ADAM12: variants seen among roughly 807,000 people sequenced by gnomAD.
ADAM12 encodes disintegrin and metalloproteinase domain-containing protein 12.
In ADAM12, 70 loss-of-function variants were observed where a neutral mutation model predicts 106.4. The observed-to-expected ratio is 0.66, with a 90% confidence interval of 0.54 to 0.80. ADAM12 has a LOEUF of 0.80. Among genes scored for constraint, ADAM12 ranks in the 30% least tolerant of loss-of-function variants. The pLI, the probability that ADAM12 is intolerant of heterozygous loss-of-function variation, is 0.00. For synonymous variants in ADAM12, 420 were observed against 433.5 expected (o/e 0.97, Z 0.39); for missense variants, 1,010 against 1,171.9 (o/e 0.86, Z 2.02).
chr10:126,097,295 C>T (rs1012212992), intron 10 of ADAM12, among the ~76,000 whole-genome samples: 1 of 152,142 alleles, frequency 6.6e-6, no homozygotes, highest in Admixed American at 6.5e-5. Context: ...GTGGAGATCA[C>T]ATGCAGGGCC....
intron 8 of ADAM12, among the ~76,000 whole-genome samples, chr10:126,105,587 G>A (rs1197604011): frequency 6.6e-6 from 1 of 152,226 alleles, no homozygotes; most frequent in Non-Finnish European, 1.5e-5. Context: ...CTGTGCCTAG[G>A]CCCTGTGCCA....
At chr10:126,155,193 T>A (rs1350580810) in intron 4 of ADAM12, 34 bp downstream of exon 4, 2 of 1,605,594 alleles carry the variant, frequency 1.2e-6, no homozygotes. Context: ...TCCAGTGGTG[T>A]AAGATTATGG....
intron 5 of ADAM12, among the ~76,000 whole-genome samples, chr10:126,129,153 A>G (rs1485778587): frequency 6.6e-6 from 1 of 152,202 alleles, no homozygotes; most frequent in Non-Finnish European, 1.5e-5. Flanking sequence ...CTTCAGTCGA[A>G]CCTCTGTGCC....
intron 3 of ADAM12, among the ~76,000 whole-genome samples, chr10:126,265,114 C>A (rs978885222): frequency 2.6e-5 from 4 of 152,344 alleles, no homozygotes; most frequent in Admixed American, 2.6e-4. Context: ...GTTATCCCCA[C>A]AGAACCTTTT....
chr10:126,193,899 AAAATG>A (rs1223296545), intron 3 of ADAM12, among the ~76,000 whole-genome samples: 2 of 130,232 alleles, frequency 1.5e-5, no homozygotes, highest in African/African-American at 6.4e-5. Context: ...CTCATGAAAT[AAAATG>A]AAATAAAATA....
In ADAM12 at chr10:126,014,991, T is replaced by G. The variant is rs192825542; in HGVS notation, c.*2288A>C. On this transcript the variant is annotated 3_prime_UTR_variant, in exon 23 of 23. Coordinates refer to ENST00000448723, the MANE Select transcript of ADAM12 (RefSeq NM_001288973.2). Reference sequence around the variant, plus strand: ...AATGGAATTTGCTGCTAAATATGCTTCACTTGATAAATACTGCATCTTGGA... The same window carrying G: ...AATGGAATTTGCTGCTAAATATGCTGCACTTGATAAATACTGCATCTTGGA... 6.6e-6 allele frequency: 1 copy of G among 152,328 alleles called. No homozygotes were observed. 9.4% of individuals were successfully genotyped at this position (152,328 alleles called of 1,614,324 possible).
At chr10:126,345,025 T>C (rs1022194847) in intron 1 of ADAM12, among the ~76,000 whole-genome samples, 15 of 152,350 alleles carry the variant, frequency 9.8e-5, no homozygotes, top group Non-Finnish European at 1.9e-4. Context: ...TTCTTTCTCC[T>C]GCCTGATTGC....
At chr10:126,248,615 C>T (rs1402205722) in intron 3 of ADAM12, among the ~76,000 whole-genome samples, 1 of 152,104 alleles carries the variant, frequency 6.6e-6, no homozygotes, top group Non-Finnish European at 1.5e-5. Flanking sequence ...CGAATGCATA[C>T]CATGAGCTAG....
chr10:126,370,658 T>C (rs901641769), intron 1 of ADAM12, among the ~76,000 whole-genome samples: 1 of 152,154 alleles, frequency 6.6e-6, no homozygotes, highest in African/African-American at 2.4e-5. Flanking sequence ...TCTTCCTAGG[T>C]TCTCTCCTCA....
At chr10:126,100,834 A>T (rs1419568054) in intron 9 of ADAM12, among the ~76,000 whole-genome samples, 1 of 152,212 alleles carries the variant, frequency 6.6e-6, no homozygotes, top group Non-Finnish European at 1.5e-5. Flanking sequence ...AGAAGAAGGA[A>T]ATGAGAGTTC....
In ADAM12 at chr10:126,388,017, C is replaced by T. The variant is rs764992546; in HGVS notation, c.88+41G>A. On this transcript the variant is annotated intron_variant, in intron 1 of 22. Coordinates refer to ENST00000448723, the MANE Select transcript of ADAM12 (RefSeq NM_001288973.2). This position sits in a 1 kb window ranked among gnomAD's most constrained non-coding sequence, Gnocchi z 4.4. Reference sequence around the variant, plus strand: ...GCCCAGGCGCAGCGTGCGGTGCCCTCGGCGGGGCGGGCAGCGAGCCGCCCT... The same window carrying T: ...GCCCAGGCGCAGCGTGCGGTGCCCTTGGCGGGGCGGGCAGCGAGCCGCCCT... The T allele has an allele frequency of 1.7e-6, 2 of 1,196,094 alleles. No homozygotes were observed. The highest frequency in any genetic ancestry group is 2.1e-6 in the Non-Finnish European group (2 of 964,818). 74.1% of individuals were successfully genotyped at this position (1,196,094 alleles called of 1,614,324 possible).
intron 2 of ADAM12, among the ~76,000 whole-genome samples, chr10:126,313,384 G>C (rs1413959680): frequency 6.6e-6 from 1 of 152,212 alleles, no homozygotes; most frequent in African/African-American, 2.4e-5. Flanking sequence ...AAAGGAGAGG[G>C]CCTTGGAAGG....
intron 2 of ADAM12, among the ~76,000 whole-genome samples, chr10:126,321,909 G>C (rs567522649): frequency 2.8e-5 from 4 of 143,108 alleles, no homozygotes; most frequent in Non-Finnish European, 4.6e-5. Context: ...GGGGGTCGGG[G>C]GGGGGGCTTC....
Position 126,024,849 on chromosome 10 carries a change from A to C in ADAM12, c.2530-5024T>G, listed in dbSNP as rs563010490. Among the ~76,000 whole-genome samples, 85 of 94,520 alleles carry C rather than the reference A, an allele frequency of 9.0e-4. 1 individual carries two copies. Among genetic ancestry groups the C allele is most frequent in the South Asian group, 1.9e-3 (5 of 2,600 alleles). 62.0% of individuals were successfully genotyped at this position (94,520 alleles called of 152,430 possible). A position where few individuals can be genotyped will look rare whatever the true frequency, so the allele number is the denominator to read the frequency against. ...TCAGGAAACAAATAGACACATGGAG[A>C]ACAAAAAAAAAAAGCAGGGTGAGGC... On this transcript the variant is annotated intron_variant, in intron 21 of 22. Transcript: ENST00000448723.
chr10:126,109,249 C>T (rs1419226777), intron 7 of ADAM12, among the ~76,000 whole-genome samples: 2 of 151,990 alleles, frequency 1.3e-5, no homozygotes, highest in Admixed American at 1.3e-4. Context: ...TTCATATATG[C>T]CAATGAGGCA....
In ADAM12 at chr10:126,051,536, C is replaced by CCAGCCACCCAT. The variant is rs1954490578; in HGVS notation, c.1610-1868_1610-1867insATGGGTGGCTG. 3.4e-3 allele frequency among the ~76,000 whole-genome samples: 407 copies of CCAGCCACCCAT among 118,960 alleles called. 1 individual carries two copies. The highest frequency in any genetic ancestry group is 6.0e-3 in the Non-Finnish European group (339 of 56,382). The allele number at this position is 118,960 out of a possible 152,430, so 78.0% of individuals were successfully genotyped here. On this transcript the variant is annotated intron_variant, in intron 14 of 22. Transcript: ENST00000448723. Reference sequence around the variant, plus strand: ...ATCCATCCATCCAGCCAGCCAGCCACCCATCCATCCATCCATCCATCCATC... The same window carrying CCAGCCACCCAT: ...ATCCATCCATCCAGCCAGCCAGCCACCAGCCACCCATCCATCCATCCATCCATCCATCCATC...
intron 2 of ADAM12, among the ~76,000 whole-genome samples, chr10:126,282,014 T>C (rs1038123584): frequency 6.6e-6 from 1 of 152,202 alleles, no homozygotes; most frequent in Non-Finnish European, 1.5e-5. Flanking sequence ...ATTAGTTTGG[T>C]GGGGCTGTCA....
At chr10:126,228,689 T>C (rs1958248052) in intron 3 of ADAM12, among the ~76,000 whole-genome samples, 1 of 152,168 alleles carries the variant, frequency 6.6e-6, no homozygotes, top group East Asian at 1.9e-4. Context: ...CTGGAGCTTT[T>C]AAGTTCTGAT....
intron 2 of ADAM12, among the ~76,000 whole-genome samples, chr10:126,294,135 C>G (rs1487659227): frequency 6.6e-6 from 1 of 152,188 alleles, no homozygotes; most frequent in African/African-American, 2.4e-5. Context: ...TCATCAGATG[C>G]TGACAGGGCA....
Sources: gnomAD v4.1 joint callset for allele counts (sites outside exome capture counted in the v4.1 genomes callset) on GRCh38, gnomAD v4.1.1 for gene constraint, Gnocchi (gnomAD v3.1) non-coding constraint, MANE v1.5 for transcripts, NCBI Gene and HGNC (gene_info 2026-07-23, HGNC 2026-07-21) for gene names.